KCNQ3: variants seen among roughly 807,000 people sequenced by gnomAD.
KCNQ3 encodes the protein potassium voltage-gated channel subfamily Q member 3.
KCNQ3 carries 30 observed loss-of-function variants against 92.5 expected under a neutral mutation model. That is an observed-to-expected ratio of 0.32 (90% CI 0.24 to 0.44). The LOEUF (loss-of-function observed/expected upper bound fraction) is 0.44. Ranked by LOEUF, KCNQ3 falls within the 20% of genes least tolerant of loss-of-function variation. The pLI, the probability that KCNQ3 is intolerant of heterozygous loss-of-function variation, is 1.00. For missense variants in KCNQ3, 913 were observed against 1,140.3 expected, an observed-to-expected ratio of 0.80 and a Z score of 2.87; for synonymous variants, 450 against 468.8, an observed-to-expected ratio of 0.96 and a Z score of 0.52.
chr8:132,399,567 T>C (rs1820283207), intron 1 of KCNQ3, among the ~76,000 whole-genome samples: 1 of 152,166 alleles, frequency 6.6e-6, no homozygotes, highest in Non-Finnish European at 1.5e-5. Context: ...ACTCCTTACA[T>C]TGTCCAAAAT....
In KCNQ3 at chr8:132,257,590, T is replaced by C. The variant is rs1392080218; in HGVS notation, c.387-71409A>G. 3.3e-5 allele frequency among the ~76,000 whole-genome samples: 5 copies of C among 151,374 alleles called. No individual in the cohort carries two copies. The East Asian group carries it at 9.8e-4, about 30-fold the overall frequency. On this transcript the variant is annotated intron_variant, in intron 1 of 14. Coordinates refer to ENST00000388996, the MANE Select transcript of KCNQ3 (RefSeq NM_004519.4). ...GAAACCCCATCTCTACTAAAAAAAATACAAAAATTAGCTGGGTGTGGTGGC... is the reference window on the plus strand; with the variant it reads ...GAAACCCCATCTCTACTAAAAAAAACACAAAAATTAGCTGGGTGTGGTGGC...
Position 132,377,865 on chromosome 8 carries a change from G to A in KCNQ3, c.386+102282C>T, listed in dbSNP as rs149314291. ...GTCAATAATTAAATGAATTCACTCCGTCAAGAGCATTTGGAACTCAAGAAA... is the reference window on the plus strand; with the variant it reads ...GTCAATAATTAAATGAATTCACTCCATCAAGAGCATTTGGAACTCAAGAAA... On this transcript the variant is annotated intron_variant, in intron 1 of 14. Coordinates refer to ENST00000388996, the MANE Select transcript of KCNQ3 (RefSeq NM_004519.4). Among the ~76,000 whole-genome samples, 60 of 152,204 alleles carry A rather than the reference G, an allele frequency of 3.9e-4. 1 individual carries two copies. In the East Asian group the frequency reaches 0.011, roughly 27 times the overall value.
intron 1 of KCNQ3, among the ~76,000 whole-genome samples, chr8:132,233,046 T>C (rs1403079469): frequency 6.6e-6 from 1 of 152,192 alleles, no homozygotes; most frequent in Non-Finnish European, 1.5e-5. Context: ...GCTTCAAATA[T>C]CTTGCCACGT....
chr8:132,407,917 C>T (rs1281295410), intron 1 of KCNQ3, among the ~76,000 whole-genome samples: 2 of 152,118 alleles, frequency 1.3e-5, no homozygotes, highest in Admixed American at 6.5e-5. Context: ...GACTCTGTCT[C>T]GTTCATCCAT....
intron 1 of KCNQ3, among the ~76,000 whole-genome samples, chr8:132,380,237 C>A (rs1819711669): frequency 6.6e-6 from 1 of 152,136 alleles, no homozygotes; most frequent in African/African-American, 2.4e-5. Context: ...AGCTGGGCAT[C>A]AGAAGAGATG....
intron 1 of KCNQ3, among the ~76,000 whole-genome samples, chr8:132,373,988 T>C (rs1310322203): frequency 6.6e-6 from 1 of 151,926 alleles, no homozygotes; most frequent in Non-Finnish European, 1.5e-5. Flanking sequence ...ACCCCCAGGG[T>C]GCATGTTCTC....
At chr8:132,446,561 G>A (rs1377800850) in intron 1 of KCNQ3, among the ~76,000 whole-genome samples, 4 of 152,098 alleles carry the variant, frequency 2.6e-5, no homozygotes, top group South Asian at 2.1e-4. Context: ...CTAGAGCTCC[G>A]GGATACAATT....
chr8:132,388,475 G>C (rs956187072), intron 1 of KCNQ3, among the ~76,000 whole-genome samples: 1 of 151,820 alleles, frequency 6.6e-6, no homozygotes, highest in Admixed American at 6.6e-5. Flanking sequence ...TACCTTTGAT[G>C]GAATACAAGA....
At chr8:132,170,829 T>C (rs1405301959) in intron 7 of KCNQ3, among the ~76,000 whole-genome samples, 2 of 134,388 alleles carry the variant, frequency 1.5e-5, no homozygotes, top group African/African-American at 2.8e-5. Flanking sequence ...CTGGGCAACA[T>C]AATTAAACTT....
At chr8:132,374,700 C>G (rs530337770) in intron 1 of KCNQ3, among the ~76,000 whole-genome samples, 174 of 152,218 alleles carry the variant, frequency 1.1e-3, no homozygotes, top group Middle Eastern at 0.01. Context: ...CAAGTAGGCC[C>G]CAGCGTCTGT....
chr8:132,388,997 A>C (rs56086541), intron 1 of KCNQ3, among the ~76,000 whole-genome samples: 4,711 of 152,314 alleles, frequency 0.031, 205 homozygotes, highest in African/African-American at 0.1. Flanking sequence ...GAAAGAAAAA[A>C]CAAACACATT....
chr8:132,179,960 C>T (rs1350557165), intron 4 of KCNQ3, among the ~76,000 whole-genome samples, 197 bp downstream of exon 4: 1 of 152,222 alleles, frequency 6.6e-6, no homozygotes, highest in African/African-American at 2.4e-5. Context: ...TGTTCCTGCT[C>T]CCTGAACCAC....
intron 1 of KCNQ3, among the ~76,000 whole-genome samples, chr8:132,221,822 C>T (rs1040698797): frequency 2.5e-4 from 38 of 152,096 alleles, no homozygotes; most frequent in African/African-American, 8.9e-4. Flanking sequence ...GGGAAAGGAT[C>T]CCCTATTTAA....
chr8:132,324,263 G>C (rs1301884191), intron 1 of KCNQ3, among the ~76,000 whole-genome samples: 2 of 152,098 alleles, frequency 1.3e-5, no homozygotes, highest in African/African-American at 4.8e-5. Context: ...CAGTTTTTGT[G>C]CCTTTACTTC....
chr8:132,410,660 T>C (rs986077436), intron 1 of KCNQ3, among the ~76,000 whole-genome samples: 1 of 152,252 alleles, frequency 6.6e-6, no homozygotes, highest in African/African-American at 2.4e-5. Context: ...GAGAACTGGA[T>C]GGCATCTAAC....
intron 1 of KCNQ3, among the ~76,000 whole-genome samples, chr8:132,393,770 T>C (rs1820111831): frequency 6.6e-6 from 1 of 152,232 alleles, no homozygotes; most frequent in Non-Finnish European, 1.5e-5. Flanking sequence ...AGTTTCTGAC[T>C]TTCCTGGGCT....
At chr8:132,361,290 G>A (rs573524365) in intron 1 of KCNQ3, among the ~76,000 whole-genome samples, 1 of 152,260 alleles carries the variant, frequency 6.6e-6, no homozygotes, top group East Asian at 1.9e-4. Context: ...CTCATCTGAT[G>A]CTTCTGCGGC....
At chr8:132,367,847 C>T (rs1819366837) in intron 1 of KCNQ3, among the ~76,000 whole-genome samples, 1 of 152,174 alleles carries the variant, frequency 6.6e-6, no homozygotes, top group African/African-American at 2.4e-5. Flanking sequence ...TCTACTTCTC[C>T]CAGACATATT....
intron 9 of KCNQ3, among the ~76,000 whole-genome samples, chr8:132,142,823 A>G (rs765057229): frequency 6.6e-6 from 1 of 152,186 alleles, no homozygotes; most frequent in African/African-American, 2.4e-5. Context: ...AGCTGGGTGC[A>G]GTGTGGAGGT....
Sources: gnomAD v4.1 joint callset for allele counts (sites outside exome capture counted in the v4.1 genomes callset) on GRCh38, gnomAD v4.1.1 for gene constraint, MANE v1.5 for transcripts, NCBI Gene and HGNC (gene_info 2026-07-23, HGNC 2026-07-21) for gene names.